GAA: variants seen among roughly 807,000 people sequenced by gnomAD.
GAA encodes the protein alpha glucosidase, also known as lysosomal alpha-glucosidase.
Under a neutral mutation model 103.9 loss-of-function variants are expected in GAA, and 88 were observed. The observed-to-expected ratio is 0.85, with a 90% CI of 0.71 to 1.01. The LOEUF is 1.01. Ranked by LOEUF, GAA falls within the 50% of genes least tolerant of loss-of-function variation. GAA has a pLI of 0.00. For missense variants in GAA, 1,350 were observed against 1,305.3 expected (o/e 1.03, Z -0.53); for synonymous variants, 572 against 563.1 (o/e 1.02, Z -0.22).
At position 80,107,553 on chromosome 17, in the gene GAA, G is replaced by T. The variant is rs200088236; in HGVS notation, c.693-4G>T. The T allele has an allele frequency of 2.3e-4, 370 of 1,612,954 alleles. 2 individuals carry two copies. The Middle Eastern group carries it at 3.1e-3, about 14-fold the overall frequency. On this transcript the variant is annotated splice_polypyrimidine_tract_variant and splice_region_variant and intron_variant, in intron 3 of 19. Transcript: ENST00000302262. ...AGCAAGCCTGGCTGGCCTCTGTCCC[G>T]CAGGCTGAACACGACGGTGGCGCCC...
In GAA at chr17:80,108,909, C is replaced by A. The variant is rs1294042375; in HGVS notation, c.1326+81C>A. 4 of 1,476,760 alleles carry A rather than the reference C, an allele frequency of 2.7e-6. No homozygotes were observed. In the East Asian group the frequency reaches 9.9e-5, roughly 37 times the overall value. The allele number at this position is 1,476,760 out of a possible 1,614,324, so 91.5% of individuals were successfully genotyped here. A position where few individuals can be genotyped will look rare whatever the true frequency, so the allele number is the denominator to read the frequency against. ...CTCCTTCTCTGTGCAGCGTCATCCT[C>A]GTGCCTGTGTGGTCGCCGAGGATGT... On this transcript the variant is annotated intron_variant, in intron 8 of 19. Coordinates refer to ENST00000302262, the MANE Select transcript of GAA (RefSeq NM_000152.5).
chr17:80,108,233 G>A (rs2039140412), intron 5 of GAA, 57 bp from the exon 6 acceptor site: 29 of 1,612,866 alleles, frequency 1.8e-5, no homozygotes, highest in Non-Finnish European at 2.5e-5. Context: ...TCTGTGGGGT[G>A]CAGAGCCCTC....
intron 18 of GAA, 81 bp from the exon 19 acceptor site, chr17:80,118,572 G>A (rs945947361): frequency 4.8e-5 from 75 of 1,553,478 alleles, no homozygotes; most frequent in Non-Finnish European, 6.4e-5. Context: ...ATGAGTCCCT[G>A]TTCTCATGGG....
intron 9 of GAA, among the ~76,000 whole-genome samples, chr17:80,110,380 A>C (rs935163713): frequency 6.6e-6 from 1 of 152,164 alleles, no homozygotes; most frequent in East Asian, 1.9e-4. Flanking sequence ...CTGAGGGAGC[A>C]GCTAGGGAGG....
Position 80,113,875 on chromosome 17 carries a change from G to A in GAA, c.2189+509G>A, listed in dbSNP as rs527947810. Reference sequence around the variant, plus strand: ...TCTACTAAAAATACAAAAATTAGCCGTGCATGGTGGTGGGCGCCTGTAGTC... The same window carrying A: ...TCTACTAAAAATACAAAAATTAGCCATGCATGGTGGTGGGCGCCTGTAGTC... On this transcript the variant is annotated intron_variant, in intron 15 of 19. Transcript: ENST00000302262. 9.9e-5 allele frequency among the ~76,000 whole-genome samples: 15 copies of A among 151,888 alleles called. No individual in the cohort carries two copies. In the East Asian group the frequency reaches 2.0e-3, roughly 20 times the overall value.
Position 80,107,721 on chromosome 17 carries a change from CG to C in GAA, c.858+1del. 4 of 1,403,262 alleles carry C rather than the reference CG, an allele frequency of 2.9e-6. No individual in the cohort carries two copies. The highest frequency in any genetic ancestry group is 3.9e-6 in the Non-Finnish European group (4 of 1,037,366). The allele number at this position is 1,403,262 out of a possible 1,614,324, so 86.9% of individuals were successfully genotyped here. ...CTGTGGAACCGGGACCTTGCGCCCA[CG>C]GTACAGCGGCGGGCGGCGGGCGGGG... ...ITLWNRDLAP[T>X]PGANLYGSHP... is the part of the protein sequence containing the mutation. On this transcript the variant is annotated frameshift_variant and splice_region_variant, in exon 4 of 20. Transcript: ENST00000302262. LOFTEE classifies it high-confidence loss of function.
intron 5 of GAA, 49 bp from the exon 6 acceptor site, chr17:80,108,241 C>T (rs1234438917): frequency 1.2e-6 from 2 of 1,612,960 alleles, no homozygotes; most frequent in South Asian, 2.2e-5. Context: ...GTGCAGAGCC[C>T]TCCAAGTGAA....
rs2039027228 is a variant in GAA, at chr17:80,104,646, C to G, written c.60C>G (p.Ser20=). ...TCCTGGCCGTCTGCGCCCTCGTGTC[C>G]TTGGCAACCGCTGCACTCCTGGGGC... is the stretch of plus-strand genomic sequence containing the variant. The part of the protein sequence containing the change: ...HRLLAVCALV[S]LATAALLGHI... Residue 20 remains serine, a synonymous_variant, in exon 2 of 20, where the codon TCC becomes TCG. Coordinates refer to ENST00000302262, the MANE Select transcript of GAA (RefSeq NM_000152.5). The surrounding 1 kb of genome is among the most constrained non-coding windows in gnomAD (Gnocchi z 4.0). 1 of 1,613,302 alleles carries G rather than the reference C, an allele frequency of 6.2e-7. No individual in the cohort carries two copies. Among genetic ancestry groups the G allele is most frequent in the Admixed American group, 1.7e-5 (1 of 60,026 alleles).
chr17:80,105,968 G>T, intron 3 of GAA, 74 bp downstream of exon 3: 4 of 1,513,334 alleles, frequency 2.6e-6, no homozygotes, highest in Admixed American at 1.9e-5. Flanking sequence ...AGGGCCACAC[G>T]CGTTTGTTTC....
At position 80,118,118 on chromosome 17, in the gene GAA, A is replaced by G. The variant is rs1031038575; in HGVS notation, c.2482-75A>G. The G allele has an allele frequency of 2.6e-6, 4 of 1,530,428 alleles. No individual in the cohort carries two copies. In the African/African-American group the frequency reaches 5.5e-5, roughly 21 times the overall value. The allele number at this position is 1,530,428 out of a possible 1,614,324, so 94.8% of individuals were successfully genotyped here. A position where few individuals can be genotyped will look rare whatever the true frequency, so the allele number is the denominator to read the frequency against. ...TGGCAGCCTGGTGCTGTACCAGCCT[A>G]GCATTCCCGGGCCCTGGAGGCCTCC... On this transcript the variant is annotated intron_variant, in intron 17 of 19. Transcript: ENST00000302262.
At chr17:80,112,804 G>A in intron 13 of GAA, 72 bp from the exon 14 acceptor site, 1 of 1,578,778 alleles carries the variant, frequency 6.3e-7, no homozygotes. Context: ...TAGCAGGTGG[G>A]GCTCTGGGTC....
At chr17:80,108,941 A>G in intron 8 of GAA, 113 bp downstream of exon 8, 2 of 1,336,510 alleles carry the variant, frequency 1.5e-6, no homozygotes, top group Non-Finnish European at 2.0e-6. Context: ...ATGTTTTCTG[A>G]GGGTCTTTGT....
At chr17:80,113,441 C>G (rs1465274588) in intron 15 of GAA, 75 bp downstream of exon 15, 1 of 1,365,454 alleles carries the variant, frequency 7.3e-7, no homozygotes, top group Non-Finnish European at 9.8e-7. Context: ...GCAGCCCTGT[C>G]CTGCTGTGGG....
chr17:80,116,578 C>T lies in GAA; in HGVS notation c.2190-390C>T, dbSNP rs756025502. Among the ~76,000 whole-genome samples, 74 of 152,230 alleles carry T rather than the reference C, an allele frequency of 4.9e-4. 1 individual carries two copies. Among genetic ancestry groups the T allele is most frequent in the Non-Finnish European group, 6.6e-4 (45 of 68,038 alleles). On this transcript the variant is annotated intron_variant, in intron 15 of 19. Transcript: ENST00000302262. Reference sequence around the variant, plus strand: ...ATTCAAGTTGCCTTTGGTTGTGGGACTGGGAGGATCTTTTCTCTTTGTTGA... The same window carrying T: ...ATTCAAGTTGCCTTTGGTTGTGGGATTGGGAGGATCTTTTCTCTTTGTTGA...
Position 80,105,870 on chromosome 17 carries a change from G to T in GAA, c.668G>T (p.Arg223Leu). 6.2e-7 allele frequency: 1 copy of T among 1,601,206 alleles called. No individual in the cohort carries two copies. The highest frequency in any genetic ancestry group is 2.2e-5 in the East Asian group (1 of 44,750). ...GAGGAGCCCTTCGGGGTGATCGTGC[G>T]CCGGCAGCTGGACGGCCGCGTGCTG... ...FSEEPFGVIV[R>L]RQLDGRVLLN... Residue 223 changes from arginine (R) to leucine (L), a missense_variant, in exon 3 of 20, where the codon CGC becomes CTC. Coordinates refer to ENST00000302262, the MANE Select transcript of GAA (RefSeq NM_000152.5).
At chr17:80,111,954 C>T in intron 11 of GAA, 29 bp from the exon 12 acceptor site, 3 of 1,595,712 alleles carry the variant, frequency 1.9e-6, no homozygotes, top group Non-Finnish European at 2.6e-6. Flanking sequence ...GGAGGAAGCT[C>T]CCTGGAAACC....
chr17:80,118,595 A>G (rs769222351), intron 18 of GAA, 58 bp from the exon 19 acceptor site: 341 of 1,599,172 alleles, frequency 2.1e-4, no homozygotes, highest in Non-Finnish European at 2.8e-4. Context: ...TTCCTGCCCC[A>G]GCTGTCTGCT....
chr17:80,107,660 C>T lies in GAA; in HGVS notation c.796C>T (p.Pro266Ser), dbSNP rs1555599667. 3.1e-6 allele frequency: 5 copies of T among 1,613,104 alleles called. No individual in the cohort carries two copies. The highest frequency in any genetic ancestry group is 1.3e-5 in the African/African-American group (1 of 75,036). ...CACAGGCCTCGCCGAGCACCTCAGT[C>T]CCCTGATGCTCAGCACCAGCTGGAC... ...YITGLAEHLS[P>S]LMLSTSWTRI... Residue 266 changes from proline to serine, a missense_variant, in exon 4 of 20, where the codon CCC (proline) becomes TCC (serine). Coordinates refer to ENST00000302262, the MANE Select transcript of GAA (RefSeq NM_000152.5).
chr17:80,112,156 T>C (rs28583874), intron 12 of GAA, 56 bp downstream of exon 12: 4 of 1,536,530 alleles, frequency 2.6e-6, no homozygotes, highest in African/African-American at 1.4e-5. Flanking sequence ...TCCTACAAGG[T>C]TGGGGCCTCT....
Sources: allele counts gnomAD v4.1 joint callset (sites outside exome capture counted in the v4.1 genomes callset), GRCh38; gene constraint gnomAD v4.1.1; non-coding constraint Gnocchi (gnomAD v3.1); transcripts MANE v1.5; gene names NCBI Gene and HGNC (gene_info 2026-07-23, HGNC 2026-07-21).